The following SUPT3H variants were observed in gnomAD, a reference collection of about 807,000 sequenced individuals.
SUPT3H encodes the protein SPT3 homolog, SAGA and STAGA complex component.
Under a neutral mutation model 44.3 loss-of-function variants are expected in SUPT3H, and 44 were observed. The observed-to-expected ratio is 0.99, with a 90% CI of 0.78 to 1.28. The LOEUF (loss-of-function observed/expected upper bound fraction) is 1.28, where lower values mean the gene tolerates loss of function less well. Among genes scored for constraint, SUPT3H ranks in the 50% most tolerant of loss-of-function variants. The pLI is 0.00. For synonymous variants in SUPT3H, 124 were observed against 125.6 expected (o/e 0.99, Z 0.09); for missense variants, 380 against 387.1 (o/e 0.98, Z 0.15).
At chr6:45,229,010 T>C (rs777067994) in intron 2 of SUPT3H, among the ~76,000 whole-genome samples, 14 of 152,196 alleles carry the variant, frequency 9.2e-5, no homozygotes, top group African/African-American at 2.2e-4. Flanking sequence ...TAAGAAGATA[T>C]AATCTTGCAT....
At chr6:45,239,257 C>T (rs1283252455) in intron 2 of SUPT3H, among the ~76,000 whole-genome samples, 1 of 152,198 alleles carries the variant, frequency 6.6e-6, no homozygotes, top group Non-Finnish European at 1.5e-5. Context: ...GAGTAGAATG[C>T]ACCCTTTTTA....
At chr6:45,257,850 A>G (rs1773671925) in intron 2 of SUPT3H, among the ~76,000 whole-genome samples, 1 of 152,162 alleles carries the variant, frequency 6.6e-6, no homozygotes, top group Non-Finnish European at 1.5e-5. Flanking sequence ...TGGCTGCAGC[A>G]TTTACCCTGA....
At chr6:45,322,947 G>A (rs772303405) in intron 2 of SUPT3H, 2 of 1,609,266 alleles carry the variant, frequency 1.2e-6, no homozygotes, top group Non-Finnish European at 1.7e-6. Context: ...CAGTGCTACA[G>A]CTGTTATTGA....
At chr6:45,178,353 A>C (rs979995924) in intron 2 of SUPT3H, among the ~76,000 whole-genome samples, 1 of 152,194 alleles carries the variant, frequency 6.6e-6, no homozygotes, top group African/African-American at 2.4e-5. Context: ...TCAATTCAAC[A>C]AGAAGAGCTA....
chr6:45,135,012 A>G (rs903459348), intron 2 of SUPT3H, among the ~76,000 whole-genome samples: 3 of 152,204 alleles, frequency 2.0e-5, no homozygotes, highest in African/African-American at 7.2e-5. Flanking sequence ...CATTCTGTGC[A>G]CCTGCAGAAT....
intron 5 of SUPT3H, among the ~76,000 whole-genome samples, chr6:45,011,658 A>C (rs2153511805): frequency 6.6e-6 from 1 of 152,252 alleles, no homozygotes; most frequent in South Asian, 2.1e-4. Context: ...AATTTTAAAA[A>C]GGAAATATAC....
intron 2 of SUPT3H, among the ~76,000 whole-genome samples, chr6:45,153,282 T>C (rs1807244490): frequency 6.6e-6 from 1 of 152,242 alleles, no homozygotes; most frequent in Non-Finnish European, 1.5e-5. Context: ...CTTCATCTTC[T>C]TCACTAGTGT....
intron 8 of SUPT3H, 87 bp from the exon 9 acceptor site, chr6:44,953,504 A>T: frequency 1.0e-6 from 1 of 1,002,484 alleles, no homozygotes; most frequent in South Asian, 1.4e-5. Context: ...ATACATTCTG[A>T]ATGTTACTGA....
At chr6:44,851,883 C>T (rs549243) in intron 10 of SUPT3H, among the ~76,000 whole-genome samples, 1 of 152,078 alleles carries the variant, frequency 6.6e-6, no homozygotes, top group Admixed American at 6.5e-5. Context: ...ATGGGAAAAT[C>T]GAAAACTGAC....
At chr6:45,017,227 T>G (rs571670961) in intron 4 of SUPT3H, among the ~76,000 whole-genome samples, 2,153 of 150,404 alleles carry the variant, frequency 0.014, 24 homozygotes, top group South Asian at 0.029. Context: ...TTGAGTTCAT[T>G]GTAGATTCTG....
intron 2 of SUPT3H, among the ~76,000 whole-genome samples, chr6:45,230,660 G>GCCTATATATATATATATATA (rs765270979): frequency 0.013 from 668 of 50,822 alleles, 25 homozygotes; most frequent in East Asian, 0.034. Context: ...AATTCATTCA[G>GCCTATATATATATATATATA]TCTATATATA....
chr6:45,089,887 A>C (rs924173082), intron 3 of SUPT3H, among the ~76,000 whole-genome samples: 9 of 152,020 alleles, frequency 5.9e-5, no homozygotes, highest in African/African-American at 2.2e-4. Flanking sequence ...TAAAATTTTT[A>C]ATTGTCCCCA....
chr6:45,362,563 G>C (rs868495100), intron 2 of SUPT3H, among the ~76,000 whole-genome samples: 8 of 152,182 alleles, frequency 5.3e-5, no homozygotes, highest in Middle Eastern at 3.4e-3. Flanking sequence ...AGAAATACCA[G>C]TAAATTTAAA....
chr6:45,182,984 T>C (rs565390310), intron 2 of SUPT3H, among the ~76,000 whole-genome samples: 3 of 152,326 alleles, frequency 2.0e-5, no homozygotes, highest in South Asian at 2.1e-4. Context: ...TAGTTATATA[T>C]GCAAAGAACT....
intron 9 of SUPT3H, among the ~76,000 whole-genome samples, chr6:44,933,476 G>C (rs868092771): frequency 1.3e-5 from 2 of 152,028 alleles, no homozygotes; most frequent in Admixed American, 1.3e-4. Context: ...ATAGGGCTAG[G>C]GTTTAGCCCT....
rs932454314 is a variant in SUPT3H, at chr6:44,829,605, G to T, written c.*211C>A. 9.1e-6 allele frequency: 5 copies of T among 549,374 alleles called. No individual in the cohort carries two copies. Among genetic ancestry groups the T allele is most frequent in the Admixed American group, 3.4e-5 (1 of 29,584 alleles). The allele number at this position is 549,374 out of a possible 1,614,324, so 34.0% of individuals were successfully genotyped here. On this transcript the variant is annotated 3_prime_UTR_variant, in exon 11 of 11. Transcript: ENST00000371459. Reference sequence around the variant, plus strand: ...ACCTACAGACTATCCTAAACATCCTGCCATTAATTAGCTGAACAGCCCATC... The same window carrying T: ...ACCTACAGACTATCCTAAACATCCTTCCATTAATTAGCTGAACAGCCCATC...
chr6:45,149,723 C>T (rs1806613815), intron 2 of SUPT3H, among the ~76,000 whole-genome samples: 2 of 152,024 alleles, frequency 1.3e-5, no homozygotes, highest in African/African-American at 4.8e-5. Context: ...CAGTGCTAAG[C>T]AAAGTCTAAA....
intron 2 of SUPT3H, among the ~76,000 whole-genome samples, chr6:45,310,339 T>C (rs1203191608): frequency 6.6e-6 from 1 of 152,118 alleles, no homozygotes; most frequent in African/African-American, 2.4e-5. Context: ...AGGATTTCCC[T>C]AGGAAACCTG....
intron 1 of SUPT3H, among the ~76,000 whole-genome samples, chr6:45,372,582 C>G (rs1005350110): frequency 1.3e-5 from 2 of 152,150 alleles, no homozygotes; most frequent in South Asian, 4.1e-4. Flanking sequence ...AGTATATTCA[C>G]ATAAATTGTT....
Sources: allele counts gnomAD v4.1 joint callset (sites outside exome capture counted in the v4.1 genomes callset), GRCh38; gene constraint gnomAD v4.1.1; transcripts MANE v1.5; gene names NCBI Gene and HGNC (gene_info 2026-07-23, HGNC 2026-07-21).